Variants in TCF12 observed in about 807,000 individuals in gnomAD.
The protein encoded by TCF12 is DNA-binding protein HTF4.
TCF12 carries 45 observed loss-of-function variants against 86.0 expected under a neutral mutation model. The ratio of observed to expected loss-of-function variants is 0.52; its 90% CI spans 0.41 to 0.67. The LOEUF is 0.67. Ranked by LOEUF, TCF12 falls within the 30% of genes least tolerant of loss-of-function variation. The pLI is 0.00. For synonymous variants in TCF12, 330 were observed against 299.6 expected (o/e 1.10, Z -1.05); for missense variants, 881 against 859.9 (o/e 1.02, Z -0.31).
At position 56,990,485 on chromosome 15, in the gene TCF12, C is replaced by T. The variant is rs538334059; in HGVS notation, c.148+69387C>T. On this transcript the variant is annotated intron_variant, in intron 3 of 20. Coordinates refer to ENST00000333725, the MANE Select transcript of TCF12 (RefSeq NM_207037.2). ...GCTCCATCATAAGGTGGTTTTTCTT[C>T]GTGGTGCTTATATTTTACAGGAACA... Among the ~76,000 whole-genome samples, 14 of 151,984 alleles carry T rather than the reference C, an allele frequency of 9.2e-5. No individual in the cohort carries two copies. In the South Asian group the frequency reaches 1.0e-3, roughly 11 times the overall value.
intron 3 of TCF12, among the ~76,000 whole-genome samples, chr15:57,007,270 G>A (rs1050306024): frequency 2.6e-5 from 4 of 152,130 alleles, no homozygotes; most frequent in African/African-American, 9.7e-5. Flanking sequence ...ATATTAAAAT[G>A]TTTTCAGAAA....
chr15:57,124,497 G>T (rs1178034910), intron 5 of TCF12, among the ~76,000 whole-genome samples: 2 of 152,010 alleles, frequency 1.3e-5, no homozygotes, highest in Admixed American at 1.3e-4. Flanking sequence ...GATTGAACTG[G>T]TTACCATGGG....
chr15:56,939,249 A>G (rs1567133829), intron 3 of TCF12, among the ~76,000 whole-genome samples: 1 of 152,116 alleles, frequency 6.6e-6, no homozygotes, highest in Non-Finnish European at 1.5e-5. Flanking sequence ...CAAATGTAGC[A>G]TTCACTTATT....
chr15:57,181,426 T>C (rs778292208), intron 6 of TCF12, among the ~76,000 whole-genome samples: 2 of 48,052 alleles, frequency 4.2e-5, no homozygotes, highest in African/African-American at 1.7e-4. Context: ...ATCCAAATTA[T>C]AGCAGTATGA....
At chr15:56,982,905 G>A (rs1229882090) in intron 3 of TCF12, among the ~76,000 whole-genome samples, 1 of 152,172 alleles carries the variant, frequency 6.6e-6, no homozygotes, top group East Asian at 1.9e-4. Flanking sequence ...TAGCATCAGA[G>A]TAGGTAGTAA....
intron 16 of TCF12, among the ~76,000 whole-genome samples, chr15:57,259,713 C>CA (rs1555411840): frequency 6.6e-6 from 1 of 152,218 alleles, no homozygotes; most frequent in Non-Finnish European, 1.5e-5. Context: ...CCCCTAACAG[C>CA]GGCAGCCTGT....
intron 5 of TCF12, among the ~76,000 whole-genome samples, chr15:57,135,764 C>A (rs1362525026): frequency 6.6e-6 from 1 of 152,058 alleles, no homozygotes; most frequent in Non-Finnish European, 1.5e-5. Flanking sequence ...TTATATGTAT[C>A]CCTGTGAAAG....
At chr15:56,922,934 C>G (rs182297749) in intron 3 of TCF12, among the ~76,000 whole-genome samples, 108 of 151,746 alleles carry the variant, frequency 7.1e-4, no homozygotes, top group Admixed American at 3.3e-3. Flanking sequence ...ATTTATATAC[C>G]TTATTGACAT....
chr15:56,970,479 CAAAAAAAAAAAA>C (rs59118732), intron 3 of TCF12, among the ~76,000 whole-genome samples: 1 of 65,476 alleles, frequency 1.5e-5, no homozygotes, highest in African/African-American at 6.1e-5. Context: ...GACTCCATCT[CAAAAAAAAAAAA>C]AAAAAAAAAA....
At position 57,243,609 on chromosome 15, in the gene TCF12, C is replaced by T. The variant is rs2059727759; in HGVS notation, c.1114+59C>T. 8.8e-6 allele frequency: 12 copies of T among 1,370,472 alleles called. No individual in the cohort carries two copies. In the South Asian group the frequency reaches 1.2e-4, roughly 14 times the overall value. The allele number at this position is 1,370,472 out of a possible 1,614,324, so 84.9% of individuals were successfully genotyped here. ...GGACTACTTGGAAATATTTCTAGTT[C>T]ATTTATTTCTCAACAAACTTTAATA... On this transcript the variant is annotated intron_variant, in intron 13 of 20. Transcript: ENST00000333725.
intron 3 of TCF12, among the ~76,000 whole-genome samples, chr15:56,929,705 A>T (rs149422159): frequency 2.3e-3 from 343 of 152,258 alleles, no homozygotes; most frequent in African/African-American, 7.9e-3. Context: ...AAAATAATAT[A>T]ATAAAACAAT....
intron 5 of TCF12, among the ~76,000 whole-genome samples, chr15:57,105,120 C>A (rs551371282): frequency 2.0e-5 from 3 of 150,632 alleles, no homozygotes; most frequent in Non-Finnish European, 4.4e-5. Flanking sequence ...ATGATCCTCC[C>A]ACCCTGGCCT....
chr15:57,164,573 C>A (rs2151530574), intron 5 of TCF12, among the ~76,000 whole-genome samples: 1 of 152,250 alleles, frequency 6.6e-6, no homozygotes, highest in Admixed American at 6.5e-5. Flanking sequence ...CCACCAGGTC[C>A]CTCCCACGAC....
chr15:56,956,330 TTTA>T (rs1189416728), intron 3 of TCF12, among the ~76,000 whole-genome samples: 2 of 151,982 alleles, frequency 1.3e-5, no homozygotes, highest in Non-Finnish European at 1.5e-5. Flanking sequence ...TAGAATATTT[TTTA>T]TTCTGTTTTG....
At chr15:57,276,847 C>G (rs1172711300) in intron 19 of TCF12, among the ~76,000 whole-genome samples, 1 of 146,278 alleles carries the variant, frequency 6.8e-6, no homozygotes, top group Non-Finnish European at 1.5e-5. Context: ...CCCTGTCACC[C>G]AGGCTGGAGT....
In TCF12 at chr15:56,920,923, C is replaced by T. The variant is rs1025842425; in HGVS notation, c.76-103C>T. ...GTATCTCCAATTTTATTTTAACTTC[C>T]CTCTGAAATTTAATAACTGATGGAT... On this transcript the variant is annotated intron_variant, in intron 2 of 20. Transcript: ENST00000333725. 9 of 777,346 alleles carry T rather than the reference C, an allele frequency of 1.2e-5. No homozygotes were observed. In the African/African-American group the frequency reaches 1.6e-4, roughly 14 times the overall value. 48.2% of individuals were successfully genotyped at this position (777,346 alleles called of 1,614,324 possible).
intron 5 of TCF12, among the ~76,000 whole-genome samples, chr15:57,127,170 A>G (rs2051723278): frequency 6.6e-6 from 1 of 151,850 alleles, no homozygotes; most frequent in African/African-American, 2.4e-5. Flanking sequence ...TTTAGTAGAG[A>G]CAGGGTTTCA....
chr15:57,004,920 A>T (rs2064259036), intron 3 of TCF12, among the ~76,000 whole-genome samples: 1 of 152,310 alleles, frequency 6.6e-6, no homozygotes, highest in East Asian at 1.9e-4. Context: ...TTAGAAATTC[A>T]TTCTGATCTT....
In TCF12 at chr15:57,254,874, A is replaced by G. The variant is rs72733962; in HGVS notation, c.1467+1406A>G. Among the ~76,000 whole-genome samples the G allele has an allele frequency of 8.5e-3, 920 of 108,852 alleles. 9 individuals carry two copies. Among genetic ancestry groups the G allele is most frequent in the Middle Eastern group, 0.015 (3 of 198 alleles). 71.4% of individuals were successfully genotyped at this position (108,852 alleles called of 152,430 possible). A position where few individuals can be genotyped will look rare whatever the true frequency, so the allele number is the denominator to read the frequency against. ...CCCTGTCTCAAAAAAAAAAAAAAAA[A>G]AAAGAAAGAAAGAAAAAAATATGAG... is the stretch of plus-strand genomic sequence containing the variant. On this transcript the variant is annotated intron_variant, in intron 16 of 20. Coordinates refer to ENST00000333725, the MANE Select transcript of TCF12 (RefSeq NM_207037.2).
Sources: gnomAD v4.1 joint callset for allele counts (sites outside exome capture counted in the v4.1 genomes callset) on GRCh38, gnomAD v4.1.1 for gene constraint, MANE v1.5 for transcripts, NCBI Gene and HGNC (gene_info 2026-07-23, HGNC 2026-07-21) for gene names.